GALNT17: variants seen among roughly 807,000 people sequenced by gnomAD.
The protein encoded by GALNT17 is polypeptide N-acetylgalactosaminyltransferase 17.
GALNT17 carries 29 observed loss-of-function variants against 63.7 expected under a neutral mutation model. The observed-to-expected ratio is 0.46, with a 90% CI of 0.34 to 0.62. The LOEUF is 0.62. GALNT17 is among the 20% of genes least tolerant of loss of function. The pLI is 0.01. For missense variants in GALNT17, 603 were observed against 799.6 expected, an observed-to-expected ratio of 0.75 and a Z score of 2.97; for synonymous variants, 305 against 318.3, an observed-to-expected ratio of 0.96 and a Z score of 0.45.
intron 9 of GALNT17, among the ~76,000 whole-genome samples, chr7:71,696,441 T>G (rs1791547301): frequency 6.6e-6 from 1 of 152,122 alleles, no homozygotes; most frequent in South Asian, 2.1e-4. Context: ...ATTTAGCCAT[T>G]GTTTTCTACA....
chr7:71,203,731 G>A (rs1398094908), intron 1 of GALNT17, among the ~76,000 whole-genome samples: 1 of 152,168 alleles, frequency 6.6e-6, no homozygotes, highest in African/African-American at 2.4e-5. Flanking sequence ...ATGGCAGAAG[G>A]CGAAGGGGGA....
chr7:71,540,483 C>A (rs971894680), intron 5 of GALNT17, among the ~76,000 whole-genome samples: 13 of 152,002 alleles, frequency 8.6e-5, no homozygotes, highest in African/African-American at 2.7e-4. Context: ...GTAGTAAGCA[C>A]CTACTGTGTG....
chr7:71,361,414 GC>G (rs1025700713), intron 2 of GALNT17, among the ~76,000 whole-genome samples: 38 of 152,264 alleles, frequency 2.5e-4, no homozygotes, highest in African/African-American at 9.1e-4. Flanking sequence ...ATCTGAGACC[GC>G]CTTGAAGGTT....
intron 5 of GALNT17, among the ~76,000 whole-genome samples, chr7:71,458,318 A>G (rs4717597): frequency 1 from 152,243 of 152,340 alleles, 76,073 homozygotes; most frequent in Middle Eastern, 1. Flanking sequence ...CTGCAGGGGC[A>G]TGGCTTGTCT....
At chr7:71,658,874 C>A (rs1354540688) in intron 6 of GALNT17, among the ~76,000 whole-genome samples, 3 of 148,872 alleles carry the variant, frequency 2.0e-5, no homozygotes, top group South Asian at 2.1e-4. Flanking sequence ...GGTGACAGAG[C>A]AAGACTCTGT....
chr7:71,605,184 G>C (rs1185101570), intron 6 of GALNT17, among the ~76,000 whole-genome samples: 1 of 152,088 alleles, frequency 6.6e-6, no homozygotes, highest in East Asian at 1.9e-4. Flanking sequence ...TGCAGTTAAG[G>C]AAAATTACAC....
chr7:71,323,553 G>A (rs1287776108), intron 1 of GALNT17, among the ~76,000 whole-genome samples: 1 of 152,182 alleles, frequency 6.6e-6, no homozygotes, highest in Non-Finnish European at 1.5e-5. Context: ...CACTGAAAAT[G>A]CAGGAGGGAA....
chr7:71,165,443 G>C (rs190127842), intron 1 of GALNT17, among the ~76,000 whole-genome samples: 2 of 150,834 alleles, frequency 1.3e-5, no homozygotes, highest in Admixed American at 6.7e-5. Context: ...AAGGTGAAAG[G>C]CACGTTTCAC....
intron 1 of GALNT17, among the ~76,000 whole-genome samples, chr7:71,331,718 A>T (rs888395946): frequency 1.3e-5 from 2 of 151,608 alleles, no homozygotes; most frequent in African/African-American, 4.9e-5. Flanking sequence ...ATCCCTTAAA[A>T]AAAAAGTTCC....
At chr7:71,412,212 G>A (rs1793441462) in intron 3 of GALNT17, among the ~76,000 whole-genome samples, 1 of 152,172 alleles carries the variant, frequency 6.6e-6, no homozygotes, top group African/African-American at 2.4e-5. Flanking sequence ...GGCTGAGGCA[G>A]GAGGATTGCT....
intron 9 of GALNT17, 146 bp downstream of exon 9, chr7:71,677,452 C>T: frequency 8.6e-6 from 6 of 700,664 alleles, no homozygotes; most frequent in Admixed American, 3.1e-5. Context: ...AGGTAGGAGT[C>T]TTTCTGGTTA....
chr7:71,580,138 G>C (rs1264939640), intron 6 of GALNT17, among the ~76,000 whole-genome samples: 2 of 152,040 alleles, frequency 1.3e-5, no homozygotes, highest in East Asian at 3.9e-4. Flanking sequence ...AGAGATAACA[G>C]ATAGATGGAT....
At chr7:71,531,477 C>G (rs1389081821) in intron 5 of GALNT17, among the ~76,000 whole-genome samples, 2 of 152,196 alleles carry the variant, frequency 1.3e-5, no homozygotes, top group Non-Finnish European at 2.9e-5. Flanking sequence ...TGCACACATA[C>G]TAGTAGTAGT....
At chr7:71,446,617 C>T (rs4236248) in intron 5 of GALNT17, among the ~76,000 whole-genome samples, 80,094 of 152,034 alleles carry the variant, frequency 0.53, 23,175 homozygotes, top group Non-Finnish European at 0.66. Context: ...GGCATGATCT[C>T]GGCTCACTGC....
chr7:71,469,979 C>T lies in GALNT17; in HGVS notation c.962+48874C>T, dbSNP rs570778988. ...ATCCCAACACTTTGGGAGGCTGAGG[C>T]GGACGGATAACCTGAGGTCAGGAGT... On this transcript the variant is annotated intron_variant, in intron 5 of 10. Transcript: ENST00000333538. Among the ~76,000 whole-genome samples, 11 of 152,256 alleles carry T rather than the reference C, an allele frequency of 7.2e-5. No individual in the cohort carries two copies. The East Asian group carries it at 1.7e-3, about 24-fold the overall frequency.
At chr7:71,347,975 T>C (rs1038028063) in intron 2 of GALNT17, among the ~76,000 whole-genome samples, 1 of 152,194 alleles carries the variant, frequency 6.6e-6, no homozygotes, top group African/African-American at 2.4e-5. Flanking sequence ...TGAAAAGGAC[T>C]GAATATTAAA....
chr7:71,458,980 G>A (rs941136417), intron 5 of GALNT17, among the ~76,000 whole-genome samples: 3 of 152,090 alleles, frequency 2.0e-5, no homozygotes, highest in South Asian at 2.1e-4. Flanking sequence ...AGGCTTGAGG[G>A]TGGGGCCTTT....
At chr7:71,134,169 A>C (rs553508212) in intron 1 of GALNT17, among the ~76,000 whole-genome samples, 9 of 152,290 alleles carry the variant, frequency 5.9e-5, no homozygotes, top group African/African-American at 2.2e-4. Context: ...CTGCGCCCCA[A>C]ACCTCTGTAA....
chr7:71,629,167 G>C (rs183234798), intron 6 of GALNT17, among the ~76,000 whole-genome samples: 1 of 152,076 alleles, frequency 6.6e-6, no homozygotes, highest in Non-Finnish European at 1.5e-5. Flanking sequence ...GGAAGTGCAT[G>C]GCACCTGTGG....
Sources: gnomAD v4.1 joint callset for allele counts (sites outside exome capture counted in the v4.1 genomes callset) on GRCh38, gnomAD v4.1.1 for gene constraint, MANE v1.5 for transcripts, NCBI Gene and HGNC (gene_info 2026-07-23, HGNC 2026-07-21) for gene names.